The following PLD5 variants were observed in gnomAD, a reference collection of about 807,000 sequenced individuals.
PLD5 encodes inactive phospholipase D5.
PLD5 carries 36 observed loss-of-function variants against 61.1 expected under a neutral mutation model. The ratio of observed to expected loss-of-function variants is 0.59; its 90% CI spans 0.45 to 0.78. The LOEUF is 0.78. Ranked by LOEUF, PLD5 falls within the 30% of genes least tolerant of loss-of-function variation. The probability of loss-of-function intolerance (pLI) is 0.00; values close to 1 mark genes in which losing one functional copy is unlikely to be tolerated. For synonymous variants in PLD5, 243 were observed against 242.8 expected, an observed-to-expected ratio of 1.00 and a Z score of -0.01; for missense variants, 515 against 644.4, an observed-to-expected ratio of 0.80 and a Z score of 2.17.
At chr1:242,149,576 T>A (rs1664782641) in intron 5 of PLD5, among the ~76,000 whole-genome samples, 2 of 151,784 alleles carry the variant, frequency 1.3e-5, no homozygotes, top group African/African-American at 4.8e-5. Flanking sequence ...ATATTTAGAA[T>A]TCATCAGTGA....
intron 2 of PLD5, among the ~76,000 whole-genome samples, chr1:242,297,038 T>G (rs1460290492): frequency 6.6e-5 from 10 of 152,124 alleles, no homozygotes; most frequent in Non-Finnish European, 1.2e-4. Flanking sequence ...TAGTTGGCAT[T>G]CTTCCACAAA....
intron 1 of PLD5, among the ~76,000 whole-genome samples, chr1:242,444,096 A>G (rs1337128260): frequency 6.6e-6 from 1 of 152,200 alleles, no homozygotes; most frequent in Non-Finnish European, 1.5e-5. Context: ...CCTGTAGCCC[A>G]TCAAGAGTAA....
chr1:242,287,387 CACTT>C (rs1675087067), intron 3 of PLD5, among the ~76,000 whole-genome samples: 1 of 152,182 alleles, frequency 6.6e-6, no homozygotes. Context: ...AATCCTGAAA[CACTT>C]ACTTAAACTT....
chr1:242,529,554 G>A (rs1447321810), upstream of PLD5, among the ~76,000 whole-genome samples: 1 of 152,150 alleles, frequency 6.6e-6, no homozygotes, highest in African/African-American at 2.4e-5. Flanking sequence ...GAAACTCAGG[G>A]TGGCTCAACT....
intron 1 of PLD5, among the ~76,000 whole-genome samples, chr1:242,429,689 A>G (rs935757434): frequency 1.3e-5 from 2 of 152,214 alleles, no homozygotes; most frequent in African/African-American, 4.8e-5. Context: ...GTGGCATCTA[A>G]ATCATTGCTT....
At chr1:242,147,131 C>T (rs953549683) in intron 5 of PLD5, among the ~76,000 whole-genome samples, 6 of 152,186 alleles carry the variant, frequency 3.9e-5, no homozygotes, top group Non-Finnish European at 7.3e-5. Flanking sequence ...ACAGTGCCAT[C>T]GGCCCCTAAA....
chr1:242,373,450 G>T (rs1232140602), intron 1 of PLD5, among the ~76,000 whole-genome samples: 1 of 152,150 alleles, frequency 6.6e-6, no homozygotes, highest in African/African-American at 2.4e-5. Context: ...CCATTACTGG[G>T]TATATACCCA....
chr1:242,392,704 C>A (rs977470655), intron 1 of PLD5, among the ~76,000 whole-genome samples: 1 of 152,130 alleles, frequency 6.6e-6, no homozygotes, highest in Non-Finnish European at 1.5e-5. Context: ...ACCTGCCCAT[C>A]TCCTCACAGG....
At chr1:242,226,424 A>G (rs1019637765) in intron 4 of PLD5, among the ~76,000 whole-genome samples, 5 of 152,244 alleles carry the variant, frequency 3.3e-5, no homozygotes, top group African/African-American at 1.2e-4. Flanking sequence ...CATAGGCATT[A>G]TTAGTAACTC....
chr1:242,389,053 CA>C (rs58079845), intron 1 of PLD5, among the ~76,000 whole-genome samples: 40,453 of 120,728 alleles, frequency 0.34, 5,438 homozygotes, highest in Middle Eastern at 0.44. Context: ...GACTCCATCT[CA>C]AAAAAAAAAA....
At chr1:242,132,583 T>C (rs1412051164) in intron 5 of PLD5, among the ~76,000 whole-genome samples, 3 of 152,188 alleles carry the variant, frequency 2.0e-5, no homozygotes, top group Non-Finnish European at 4.4e-5. Flanking sequence ...CTAGGAGCTC[T>C]AAGTTGATTT....
In PLD5 at chr1:242,393,506, A is replaced by G. The variant is rs866735040; in HGVS notation, c.190-45264T>C. ...TATATGAGTATATATATGTGTATATATGAGTATATATATATGTGTATATAT... is the reference window on the plus strand; with the variant it reads ...TATATGAGTATATATATGTGTATATGTGAGTATATATATATGTGTATATAT... On this transcript the variant is annotated intron_variant, in intron 1 of 9. Transcript: ENST00000536534. 8.6e-3 allele frequency among the ~76,000 whole-genome samples: 13 copies of G among 1,512 alleles called. 2 individuals are homozygous for G. The East Asian group carries it at 0.15, about 18-fold the overall frequency. 1.0% of individuals were successfully genotyped at this position (1,512 alleles called of 152,430 possible).
At chr1:242,243,469 G>C (rs1672181674) in intron 4 of PLD5, among the ~76,000 whole-genome samples, 1 of 152,204 alleles carries the variant, frequency 6.6e-6, no homozygotes, top group Admixed American at 6.5e-5. Context: ...AATTCAGGAA[G>C]AGATATTTAC....
chr1:242,373,190 C>G (rs902283430), intron 1 of PLD5, among the ~76,000 whole-genome samples: 1 of 152,104 alleles, frequency 6.6e-6, no homozygotes. Flanking sequence ...CCAACAGACA[C>G]GTGAAAAAAT....
chr1:242,264,886 T>A (rs1418921594), intron 4 of PLD5, among the ~76,000 whole-genome samples: 2 of 152,216 alleles, frequency 1.3e-5, no homozygotes, highest in Non-Finnish European at 2.9e-5. Flanking sequence ...CCTGTGGAAT[T>A]GTCTTTAAAC....
intron 1 of PLD5, among the ~76,000 whole-genome samples, chr1:242,349,420 C>T (rs1436530689): frequency 1.3e-5 from 2 of 152,210 alleles, no homozygotes; most frequent in Non-Finnish European, 1.5e-5. Context: ...ACTAGTTTTT[C>T]AGGTTACCTT....
At chr1:242,472,439 A>G (rs1194763830) in intron 1 of PLD5, among the ~76,000 whole-genome samples, 1 of 152,244 alleles carries the variant, frequency 6.6e-6, no homozygotes, top group East Asian at 1.9e-4. Context: ...GATGAAACCT[A>G]GAATGATCCT....
At chr1:242,259,945 G>GTGTT (rs745764308) in intron 4 of PLD5, among the ~76,000 whole-genome samples, 6 of 152,122 alleles carry the variant, frequency 3.9e-5, no homozygotes, top group Non-Finnish European at 8.8e-5. Context: ...GATAAAAATT[G>GTGTT]TGTTAGTAAT....
chr1:242,446,136 A>G (rs945245753), intron 1 of PLD5, among the ~76,000 whole-genome samples: 2 of 152,154 alleles, frequency 1.3e-5, no homozygotes, highest in African/African-American at 4.8e-5. Context: ...CAATGAGTGT[A>G]ACATAGAAAT....
Sources: gnomAD v4.1 joint callset for allele counts (sites outside exome capture counted in the v4.1 genomes callset) on GRCh38, gnomAD v4.1.1 for gene constraint, MANE v1.5 for transcripts, NCBI Gene and HGNC (gene_info 2026-07-23, HGNC 2026-07-21) for gene names.